Variants in MBD5 observed in about 807,000 individuals in gnomAD.
MBD5 encodes methyl-CpG-binding domain protein 5.
A neutral mutation model predicts 117.3 loss-of-function variants in MBD5; 13 were observed. The ratio of observed to expected loss-of-function variants is 0.11; its 90% CI spans 0.07 to 0.18. MBD5 has a LOEUF of 0.18. Among genes scored for constraint, MBD5 ranks in the 10% least tolerant of loss-of-function variants. MBD5 has a pLI of 1.00. For synonymous variants in MBD5, 727 were observed against 766.4 expected (o/e 0.95, Z 0.85); for missense variants, 1,879 against 2,093.8 (o/e 0.90, Z 2.00).
intron 1 of MBD5, among the ~76,000 whole-genome samples, chr2:148,108,684 C>A (rs541737437): frequency 6.6e-6 from 1 of 152,198 alleles, no homozygotes; most frequent in African/African-American, 2.4e-5. Flanking sequence ...TTTGCTAGCT[C>A]CTGGGTACAT....
chr2:148,132,671 G>A (rs1490570284), intron 1 of MBD5, among the ~76,000 whole-genome samples: 1 of 152,126 alleles, frequency 6.6e-6, no homozygotes, highest in African/African-American at 2.4e-5. Flanking sequence ...AACTTATGCA[G>A]GAGTGAAAGT....
intron 4 of MBD5, among the ~76,000 whole-genome samples, chr2:148,413,210 A>T (rs929918917): frequency 6.6e-6 from 1 of 152,160 alleles, no homozygotes; most frequent in Non-Finnish European, 1.5e-5. Flanking sequence ...TTCTGCGTCT[A>T]TTAAGATGAT....
chr2:148,377,502 C>T (rs1704023982), intron 4 of MBD5, among the ~76,000 whole-genome samples: 1 of 152,194 alleles, frequency 6.6e-6, no homozygotes, highest in Non-Finnish European at 1.5e-5. Flanking sequence ...CAGTAAGGGA[C>T]TCCTATGTCT....
Position 148,266,815 on chromosome 2 carries a change from G to C in MBD5, c.-680+33420G>C, listed in dbSNP as rs1033030381. Among the ~76,000 whole-genome samples, 5 of 152,212 alleles carry C rather than the reference G, an allele frequency of 3.3e-5. No individual in the cohort carries two copies. In the South Asian group the frequency reaches 1.0e-3, roughly 32 times the overall value. The stretch of plus-strand genomic sequence containing the variant: ...AGAAAACTATAAAACTTTGCTGAGA[G>C]ACATTTAAACAAATAGACTGGTAAG... On this transcript the variant is annotated intron_variant, in intron 3 of 13. Coordinates refer to ENST00000642680, the MANE Select transcript of MBD5 (RefSeq NM_001378120.1).
intron 1 of MBD5, among the ~76,000 whole-genome samples, chr2:148,051,012 G>A (rs1694684263): frequency 6.6e-6 from 1 of 152,062 alleles, no homozygotes; most frequent in Admixed American, 6.6e-5. Flanking sequence ...ATCAGTTTGG[G>A]AATTATTGCC....
At chr2:148,177,784 T>G (rs1698426055) in intron 1 of MBD5, among the ~76,000 whole-genome samples, 1 of 152,184 alleles carries the variant, frequency 6.6e-6, no homozygotes, top group Non-Finnish European at 1.5e-5. Context: ...GTGTTTCAAG[T>G]GTTTGATTGT....
At chr2:148,047,833 T>C (rs1694574167) in intron 1 of MBD5, among the ~76,000 whole-genome samples, 1 of 152,152 alleles carries the variant, frequency 6.6e-6, no homozygotes, top group Non-Finnish European at 1.5e-5. Flanking sequence ...TTGCATAAGA[T>C]GGTAAGGGCT....
Position 148,275,120 on chromosome 2 carries a change from A to G in MBD5, c.-680+41725A>G, listed in dbSNP as rs571728131. Among the ~76,000 whole-genome samples, 4 of 152,310 alleles carry G rather than the reference A, an allele frequency of 2.6e-5. No homozygotes were observed. In the South Asian group the frequency reaches 6.2e-4, roughly 24 times the overall value. On this transcript the variant is annotated intron_variant, in intron 3 of 13. Transcript: ENST00000642680. ...TTATATGTTTTCTTATGCAACCTAT[A>G]TAAGATTTTGTTTTCCTTTATTTTT...
At chr2:148,338,958 C>T (rs757470576) in intron 3 of MBD5, among the ~76,000 whole-genome samples, 6 of 152,100 alleles carry the variant, frequency 3.9e-5, no homozygotes, top group Non-Finnish European at 5.9e-5. Context: ...GGCTGGATTC[C>T]GTAGACAGGA....
chr2:148,125,186 C>G (rs1696861746), intron 1 of MBD5, among the ~76,000 whole-genome samples: 1 of 151,868 alleles, frequency 6.6e-6, no homozygotes, highest in African/African-American at 2.4e-5. Context: ...TATTCTTTCT[C>G]TTTGCTGTAT....
At chr2:148,499,070 A>T (rs1247585673) in intron 11 of MBD5, among the ~76,000 whole-genome samples, 2 of 152,196 alleles carry the variant, frequency 1.3e-5, no homozygotes, top group Non-Finnish European at 2.9e-5. Flanking sequence ...CGGCAAGCAG[A>T]TCGCTTGAGC....
At chr2:148,144,413 T>G (rs1697396213) in intron 1 of MBD5, among the ~76,000 whole-genome samples, 1 of 152,326 alleles carries the variant, frequency 6.6e-6, no homozygotes, top group East Asian at 1.9e-4. Flanking sequence ...TTCACTCTGA[T>G]GGTAGTTTGT....
intron 3 of MBD5, among the ~76,000 whole-genome samples, chr2:148,337,673 C>G (rs1427933286): frequency 7.3e-6 from 1 of 137,762 alleles, no homozygotes; most frequent in East Asian, 2.0e-4. Context: ...ATGTGAATAA[C>G]CTATTAAAAA....
intron 4 of MBD5, among the ~76,000 whole-genome samples, chr2:148,400,508 A>G (rs1283380716): frequency 2.0e-5 from 3 of 152,206 alleles, no homozygotes; most frequent in African/African-American, 7.2e-5. Context: ...CCTGGGCAGG[A>G]TGATTTTTCA....
At chr2:148,070,469 TA>T (rs1390142224) in intron 1 of MBD5, among the ~76,000 whole-genome samples, 1 of 152,210 alleles carries the variant, frequency 6.6e-6, no homozygotes, top group Non-Finnish European at 1.5e-5. Context: ...AAAATAAGTT[TA>T]AAAAATTCTC....
At chr2:148,069,526 C>T (rs1273603439) in intron 1 of MBD5, among the ~76,000 whole-genome samples, 2 of 151,790 alleles carry the variant, frequency 1.3e-5, no homozygotes, top group African/African-American at 2.4e-5. Context: ...TATTAAATAT[C>T]ATCTTATAGT....
At chr2:148,355,247 T>A (rs1703351517) in intron 4 of MBD5, among the ~76,000 whole-genome samples, 1 of 152,020 alleles carries the variant, frequency 6.6e-6, no homozygotes, top group African/African-American at 2.4e-5. Flanking sequence ...GATGATAGTT[T>A]CTTTTGCTAT....
chr2:148,308,444 A>AGAAGT (rs1186978360), intron 3 of MBD5, among the ~76,000 whole-genome samples: 1 of 138,264 alleles, frequency 7.2e-6, no homozygotes, highest in Non-Finnish European at 1.6e-5. Context: ...TCTTCTTTTG[A>AGAAGT]GAAGTGTCTG....
At chr2:148,287,722 A>G (rs1701396090) in intron 3 of MBD5, among the ~76,000 whole-genome samples, 1 of 152,224 alleles carries the variant, frequency 6.6e-6, no homozygotes. Context: ...CAGAAGAGCA[A>G]TAGAGCATGT....
Sources: gnomAD v4.1 joint callset for allele counts (sites outside exome capture counted in the v4.1 genomes callset) on GRCh38, gnomAD v4.1.1 for gene constraint, MANE v1.5 for transcripts, NCBI Gene and HGNC (gene_info 2026-07-23, HGNC 2026-07-21) for gene names.